Variants in VPS8 observed in about 807,000 individuals in gnomAD.
VPS8 encodes the protein VPS8 subunit of CORVET complex.
In VPS8, 129 loss-of-function variants were observed where a neutral mutation model predicts 216.4. The observed-to-expected ratio is 0.60, with a 90% CI of 0.52 to 0.69. VPS8 has a LOEUF of 0.69. Ranked by LOEUF, VPS8 falls within the 30% of genes least tolerant of loss-of-function variation. VPS8 has a pLI of 0.00. For missense variants in VPS8, 1,531 were observed against 1,683.5 expected (o/e 0.91, Z 1.59); for synonymous variants, 571 against 565.4 (o/e 1.01, Z -0.14).
intron 31 of VPS8, among the ~76,000 whole-genome samples, chr3:184,928,045 T>C (rs1739995223): frequency 6.6e-6 from 1 of 152,198 alleles, no homozygotes; most frequent in Non-Finnish European, 1.5e-5. Context: ...TACTTAATTT[T>C]TAAAAAATTA....
chr3:184,826,762 A>G (rs1342413380), intron 3 of VPS8, among the ~76,000 whole-genome samples: 1 of 152,226 alleles, frequency 6.6e-6, no homozygotes, highest in African/African-American at 2.4e-5. Context: ...ACATCTTGCA[A>G]CCTTATAATA....
Position 184,860,058 on chromosome 3 carries a change from A to G in VPS8, c.1217A>G (p.Asn406Ser), listed in dbSNP as rs1160357669. The change falls in exon 15 of 48, where the codon AAC becomes AGC. Residue 406 changes from asparagine to serine, a missense_variant. Physicochemically the swap from Asn to Ser is conservative, Grantham distance 46. Coordinates refer to ENST00000625842, the MANE Select transcript of VPS8 (RefSeq NM_001009921.3). ...CTTCACCTATACTATGACCTCATCA[A>G]CTTTACCGTGAGTATTATTCAAATT... ...KHLHLYYDLI[N>S]FTWINSRTVV... is the part of the protein sequence containing the mutation. The G allele has an allele frequency of 4.4e-6, 7 of 1,608,290 alleles. No homozygotes were observed. Among genetic ancestry groups the G allele is most frequent in the Admixed American group, 3.3e-5 (2 of 59,896 alleles).
chr3:185,024,688 T>G (rs536112019), intron 46 of VPS8, among the ~76,000 whole-genome samples: 1 of 152,284 alleles, frequency 6.6e-6, no homozygotes, highest in African/African-American at 2.4e-5. Context: ...ACAGGAAAGC[T>G]ATATAGTTTA....
chr3:185,019,955 T>G (rs1756411657), intron 45 of VPS8, among the ~76,000 whole-genome samples: 1 of 152,214 alleles, frequency 6.6e-6, no homozygotes, highest in African/African-American at 2.4e-5. Flanking sequence ...ATCCTTTGGT[T>G]TCAGAGCTTT....
intron 1 of VPS8, among the ~76,000 whole-genome samples, chr3:184,819,848 T>A (rs1717171399): frequency 1.3e-5 from 2 of 152,166 alleles, no homozygotes; most frequent in Non-Finnish European, 2.9e-5. Context: ...GTTTAACACA[T>A]ATTTTGTGTG....
intron 29 of VPS8, among the ~76,000 whole-genome samples, chr3:184,924,105 CTG>C (rs1209454597): frequency 1.3e-5 from 2 of 152,158 alleles, no homozygotes; most frequent in Non-Finnish European, 2.9e-5. Context: ...GATTTGATAA[CTG>C]TGTGTGTTGT....
intron 5 of VPS8, among the ~76,000 whole-genome samples, chr3:184,837,067 G>A: frequency 6.6e-6 from 1 of 151,748 alleles, no homozygotes; most frequent in East Asian, 1.9e-4. Flanking sequence ...AGATTCCTGG[G>A]GCTCACCCCA....
chr3:185,002,566 T>C (rs2109925314), intron 45 of VPS8, among the ~76,000 whole-genome samples: 1 of 152,308 alleles, frequency 6.6e-6, no homozygotes, highest in South Asian at 2.1e-4. Context: ...GTGTACCCTA[T>C]GCCCAGTGTG....
In VPS8 at chr3:184,971,667, C is replaced by T. The variant is rs1397946483; in HGVS notation, c.3335C>T (p.Ser1112Leu). 6.2e-7 allele frequency: 1 copy of T among 1,612,816 alleles called. No individual in the cohort carries two copies. The highest frequency in any genetic ancestry group is 1.1e-5 in the South Asian group (1 of 90,832). Reference protein sequence around the residue: ...HQGENTKEDPSLKDVEDTMVE... With the variant: ...HQGENTKEDPLLKDVEDTMVE... ...AATCTAGATACCAAAGAGGATCCCTCATTGAAGGATGTTGAAGATACTATG... is the reference window on the plus strand; with the variant it reads ...AATCTAGATACCAAAGAGGATCCCTTATTGAAGGATGTTGAAGATACTATG... Residue 1112 changes from serine (S) to leucine (L), a missense_variant, in exon 40 of 48, where the codon TCA (serine) becomes TTA (leucine). By Grantham distance (145) the Ser-to-Leu change is moderately radical. Around this residue, in one of 3 missense-constraint regions of VPS8, gnomAD observed 1,318 missense variants for 1,468.4 expected, o/e 0.90. Coordinates refer to ENST00000625842, the MANE Select transcript of VPS8 (RefSeq NM_001009921.3).
At chr3:184,984,133 G>A (rs1341588458) in intron 42 of VPS8, among the ~76,000 whole-genome samples, 2 of 111,290 alleles carry the variant, frequency 1.8e-5, no homozygotes, top group African/African-American at 6.4e-5. Flanking sequence ...GCAGTGAGCC[G>A]AGATCGAGCC....
intron 40 of VPS8, among the ~76,000 whole-genome samples, chr3:184,974,385 C>T (rs1334487276): frequency 6.6e-6 from 1 of 152,032 alleles, no homozygotes; most frequent in Non-Finnish European, 1.5e-5. Context: ...ATATGCTTTG[C>T]CCACTTTTTA....
At chr3:184,812,893 C>G (rs1715462662) in intron 1 of VPS8, 1 of 152,254 alleles carries the variant, frequency 6.6e-6, no homozygotes, top group Non-Finnish European at 1.5e-5. Flanking sequence ...GGGGTGTCCA[C>G]CTCTTAGGAT....
chr3:185,016,317 C>A (rs2078868467), intron 45 of VPS8, among the ~76,000 whole-genome samples: 1 of 152,132 alleles, frequency 6.6e-6, no homozygotes, highest in Admixed American at 6.5e-5. Context: ...TGTGAGAAAT[C>A]GAATTTTGCA....
intron 37 of VPS8, among the ~76,000 whole-genome samples, chr3:184,961,512 G>A (rs1354102715): frequency 6.6e-6 from 1 of 151,866 alleles, no homozygotes; most frequent in Non-Finnish European, 1.5e-5. Flanking sequence ...TATTGTTTTT[G>A]TTTGTTTATA....
rs183609623 is a variant in VPS8, at chr3:185,007,762, G to A, written c.4002+7901G>A. Among the ~76,000 whole-genome samples the A allele has an allele frequency of 7.2e-4, 109 of 152,224 alleles. 2 individuals are homozygous for A. Among genetic ancestry groups the A allele is most frequent in the African/African-American group, 2.5e-3 (105 of 41,558 alleles). On this transcript the variant is annotated intron_variant, in intron 45 of 47. Coordinates refer to ENST00000625842, the MANE Select transcript of VPS8 (RefSeq NM_001009921.3). ...GGTGTTTAGTGTTCTCTAGGAAAAC[G>A]TTTTGTCTTTTGGGGTAAATGTACA...
intron 40 of VPS8, among the ~76,000 whole-genome samples, chr3:184,978,017 T>G (rs910545832): frequency 2.0e-5 from 3 of 151,740 alleles, no homozygotes; most frequent in Admixed American, 6.6e-5. Context: ...GGTGCCAGGT[T>G]TTTTTTATAT....
intron 37 of VPS8, among the ~76,000 whole-genome samples, 168 bp from the exon 38 acceptor site, chr3:184,964,300 C>T (rs551200029): frequency 1.3e-5 from 2 of 152,076 alleles, no homozygotes; most frequent in Non-Finnish European, 2.9e-5. Flanking sequence ...CCCAAATGAT[C>T]TACTATATGA....
chr3:184,923,399 G>A (rs1739009028), intron 29 of VPS8, among the ~76,000 whole-genome samples: 1 of 152,184 alleles, frequency 6.6e-6, no homozygotes, highest in African/African-American at 2.4e-5. Flanking sequence ...TGTCCCCCCT[G>A]TCTCTGCCTC....
intron 9 of VPS8, chr3:184,849,732 A>T: frequency 1.8e-6 from 1 of 555,014 alleles, no homozygotes; most frequent in Non-Finnish European, 3.2e-6. Flanking sequence ...GAGAAGTAGG[A>T]TGGGCAGGAT....
Sources: allele counts gnomAD v4.1 joint callset (sites outside exome capture counted in the v4.1 genomes callset), GRCh38; gene constraint gnomAD v4.1.1; regional missense constraint gnomAD v4.1.1; transcripts MANE v1.5; gene names NCBI Gene and HGNC (gene_info 2026-07-23, HGNC 2026-07-21).